The following PEX14 variants were observed in gnomAD, a reference collection of about 807,000 sequenced individuals.
PEX14 encodes peroxisomal biogenesis factor 14.
PEX14 carries 15 observed loss-of-function variants against 49.5 expected under a neutral mutation model. The ratio of observed to expected loss-of-function variants is 0.30; its 90% CI spans 0.20 to 0.47. The LOEUF (loss-of-function observed/expected upper bound fraction) is 0.47, where lower values mean the gene tolerates loss of function less well. Ranked by LOEUF, PEX14 falls within the 20% of genes least tolerant of loss-of-function variation. The probability of loss-of-function intolerance (pLI) is 1.00; values close to 1 mark genes in which losing one functional copy is unlikely to be tolerated. For synonymous variants in PEX14, 210 were observed against 212.7 expected (o/e 0.99, Z 0.11); for missense variants, 398 against 494.8 (o/e 0.80, Z 1.86).
intron 2 of PEX14, among the ~76,000 whole-genome samples, chr1:10,525,730 A>G (rs867291275): frequency 2.0e-5 from 3 of 151,772 alleles, no homozygotes; most frequent in Middle Eastern, 3.4e-3. Context: ...GGTTCAAGCG[A>G]TTCTCTCATT....
At chr1:10,562,383 C>T (rs1639675798) in intron 3 of PEX14, among the ~76,000 whole-genome samples, 1 of 152,136 alleles carries the variant, frequency 6.6e-6, no homozygotes, top group South Asian at 2.1e-4. Context: ...TTTTTTCTAG[C>T]CCACCATCTA....
intron 3 of PEX14, among the ~76,000 whole-genome samples, chr1:10,596,791 A>G (rs1640844998): frequency 6.6e-6 from 1 of 152,238 alleles, no homozygotes; most frequent in African/African-American, 2.4e-5. Flanking sequence ...GAAAGGATTC[A>G]TTTACTGTAA....
At chr1:10,513,019 C>G (rs550275956) in intron 2 of PEX14, among the ~76,000 whole-genome samples, 4 of 152,308 alleles carry the variant, frequency 2.6e-5, no homozygotes, top group South Asian at 4.1e-4. Context: ...TTATAAAAGG[C>G]CTTTGGTCTC....
chr1:10,602,782 G>T (rs1282209108), intron 4 of PEX14, among the ~76,000 whole-genome samples: 1 of 152,158 alleles, frequency 6.6e-6, no homozygotes, highest in Non-Finnish European at 1.5e-5. Context: ...TCTGAACTAG[G>T]TGCACAATCT....
intron 2 of PEX14, among the ~76,000 whole-genome samples, chr1:10,522,461 G>A (rs1212009673): frequency 6.6e-6 from 1 of 152,248 alleles, no homozygotes; most frequent in Non-Finnish European, 1.5e-5. Context: ...GCATTCAAGA[G>A]GAGGCTTCCT....
At chr1:10,592,513 GTT>G (rs1640698762) in intron 3 of PEX14, among the ~76,000 whole-genome samples, 1 of 152,102 alleles carries the variant, frequency 6.6e-6, no homozygotes, top group South Asian at 2.1e-4. Context: ...CTCAATTTGT[GTT>G]ACATAGAGGG....
At chr1:10,585,128 C>G (rs1453080183) in intron 3 of PEX14, among the ~76,000 whole-genome samples, 1 of 152,136 alleles carries the variant, frequency 6.6e-6, no homozygotes, top group African/African-American at 2.4e-5. Context: ...TGAGGATCTC[C>G]CATTAGGCAA....
chr1:10,606,542 G>C lies in PEX14; in HGVS notation c.298+7176G>C, dbSNP rs185696526. 1.5e-4 allele frequency among the ~76,000 whole-genome samples: 23 copies of C among 152,336 alleles called. No homozygotes were observed. In the East Asian group the frequency reaches 4.2e-3, roughly 28 times the overall value. ...TGGGTTTAGGATAATGGTTGCCTCT[G>C]GGCTGGGGAGGAACACATGGCTAGC... On this transcript the variant is annotated intron_variant, in intron 4 of 8. Transcript: ENST00000356607.
chr1:10,537,146 C>T (rs56696283), intron 3 of PEX14, among the ~76,000 whole-genome samples: 1,931 of 152,216 alleles, frequency 0.013, 49 homozygotes, highest in African/African-American at 0.045. Flanking sequence ...TGTGATGTCC[C>T]GCTGAAGGGA....
Position 10,564,659 on chromosome 1 carries a change from C to G in PEX14, c.169+28362C>G, listed in dbSNP as rs146272181. Among the ~76,000 whole-genome samples the G allele has an allele frequency of 2.0e-5, 3 of 148,594 alleles. No homozygotes were observed. The East Asian group carries it at 5.9e-4, about 29-fold the overall frequency. On this transcript the variant is annotated intron_variant, in intron 3 of 8. Transcript: ENST00000356607. ...TGTTGCCAAGGCTGGTCTCAAATTC[C>G]TGAGCTCAAGTGATGCCACCTGCCT...
intron 3 of PEX14, among the ~76,000 whole-genome samples, chr1:10,586,656 T>C (rs1307033492): frequency 7.6e-6 from 1 of 131,940 alleles, no homozygotes; most frequent in African/African-American, 2.8e-5. Flanking sequence ...TTTTTTTTTT[T>C]TGAGACGGAG....
At chr1:10,586,628 C>CTTTTT (rs35743829) in intron 3 of PEX14, among the ~76,000 whole-genome samples, 17 of 93,050 alleles carry the variant, frequency 1.8e-4, no homozygotes, top group South Asian at 4.5e-4. Flanking sequence ...AGCCGTTTAC[C>CTTTTT]TTTTTTTTTT....
intron 2 of PEX14, among the ~76,000 whole-genome samples, chr1:10,520,292 A>G (rs1456354363): frequency 6.6e-6 from 1 of 151,716 alleles, no homozygotes; most frequent in Admixed American, 6.6e-5. Flanking sequence ...CCAAGTAGCT[A>G]GGACCACAGG....
At chr1:10,565,163 A>G (rs566247134) in intron 3 of PEX14, among the ~76,000 whole-genome samples, 80 of 152,296 alleles carry the variant, frequency 5.3e-4, no homozygotes, top group African/African-American at 1.8e-3. Context: ...CGGCCTCCCA[A>G]AGTGCTGGGA....
rs546480595 is a variant in PEX14, at chr1:10,501,359, C to T, written c.84+6038C>T. Among the ~76,000 whole-genome samples, 7 of 152,238 alleles carry T rather than the reference C, an allele frequency of 4.6e-5. No homozygotes were observed. In the East Asian group the frequency reaches 1.4e-3, roughly 30 times the overall value. The stretch of plus-strand genomic sequence containing the variant: ...TTGCCCAGGCTAGAGTGCTGGAGTG[C>T]AGTGGCACGATCTCGGCTCACTGCA... On this transcript the variant is annotated intron_variant, in intron 2 of 8. Coordinates refer to ENST00000356607, the MANE Select transcript of PEX14 (RefSeq NM_004565.3).
chr1:10,548,693 A>T (rs962306906), intron 3 of PEX14, among the ~76,000 whole-genome samples: 3 of 152,146 alleles, frequency 2.0e-5, no homozygotes, highest in Non-Finnish European at 2.9e-5. Context: ...TAGGCTTGCT[A>T]GGTTGGTCAT....
chr1:10,485,113 A>G (rs966967807), intron 1 of PEX14, among the ~76,000 whole-genome samples: 3 of 151,736 alleles, frequency 2.0e-5, no homozygotes, highest in African/African-American at 7.3e-5. Flanking sequence ...ATTCTGGGCT[A>G]CTGTGAGTAT....
rs1570364658 is a variant in PEX14 at position 10,621,719 on chromosome 1, G to T, written c.385-1300G>T. On this transcript the variant is annotated intron_variant, in intron 5 of 8. Coordinates refer to ENST00000356607, the MANE Select transcript of PEX14 (RefSeq NM_004565.3). Reference sequence around the variant, plus strand: ...GCTACCTTTGATGAGTTTTGGCTCAGTTGTGGGTAATAGCTCACACTGTGG... The same window carrying T: ...GCTACCTTTGATGAGTTTTGGCTCATTTGTGGGTAATAGCTCACACTGTGG... 4.6e-5 allele frequency among the ~76,000 whole-genome samples: 7 copies of T among 152,290 alleles called. 3 individuals carry two copies. The highest frequency in any genetic ancestry group is 4.6e-4 in the Admixed American group (7 of 15,298).
intron 4 of PEX14, among the ~76,000 whole-genome samples, chr1:10,610,905 C>T (rs1296419249): frequency 1.3e-5 from 2 of 152,236 alleles, no homozygotes; most frequent in East Asian, 1.9e-4. Context: ...CCTCCTTCTT[C>T]CTCTTCCTGT....
Sources: gnomAD v4.1 joint callset for allele counts (sites outside exome capture counted in the v4.1 genomes callset) on GRCh38, gnomAD v4.1.1 for gene constraint, MANE v1.5 for transcripts, NCBI Gene and HGNC (gene_info 2026-07-23, HGNC 2026-07-21) for gene names.